Variants in ACTN1 observed in about 807,000 individuals in gnomAD.
The protein encoded by ACTN1 is alpha-actinin-1.
In ACTN1, 30 loss-of-function variants were observed where a neutral mutation model predicts 119.6. The ratio of observed to expected loss-of-function variants is 0.25; its 90% CI spans 0.19 to 0.34. ACTN1 has a LOEUF of 0.34. Ranked by LOEUF, ACTN1 falls within the 10% of genes least tolerant of loss-of-function variation. ACTN1 has a pLI of 1.00. For synonymous variants in ACTN1, 429 were observed against 472.6 expected (o/e 0.91, Z 1.20); for missense variants, 764 against 1,223.4 (o/e 0.62, Z 5.60).
intron 1 of ACTN1, chr14:68,977,897 G>A (rs964411646): frequency 2.2e-6 from 1 of 454,898 alleles, no homozygotes; most frequent in Non-Finnish European, 4.4e-6. Flanking sequence ...CCGGGAGGAG[G>A]GGGAGGGAAA....
Position 68,884,791 on chromosome 14 carries a change from C to G in ACTN1, c.1478G>C (p.Arg493Pro). The G allele has an allele frequency of 6.2e-7, 1 of 1,613,856 alleles. No homozygotes were observed. Among genetic ancestry groups the G allele is most frequent in the Non-Finnish European group, 8.5e-7 (1 of 1,179,714 alleles). ...WDNLGALTQK[R>P]REALERTEKL... ...ACCTCTCACCTCCAGAGCTTCCCTT[C>G]GCTTCTGAGTTAGGGCCCCCAGATT... The change falls in exon 13 of 22, where the codon CGA (arginine) becomes CCA (proline). Residue 493 changes from arginine (R) to proline (P), a missense_variant. By Grantham distance (103) the Arg-to-Pro change is moderately radical. Around this residue, in one of 4 missense-constraint regions of ACTN1, gnomAD observed 544 missense variants for 912.0 expected, o/e 0.60. Coordinates refer to ENST00000394419, the MANE Select transcript of ACTN1 (RefSeq NM_001130004.2).
chr14:68,876,349 GAACAGAA>G (rs961591815), intron 21 of ACTN1, among the ~76,000 whole-genome samples: 4 of 152,102 alleles, frequency 2.6e-5, no homozygotes, highest in African/African-American at 9.7e-5. Flanking sequence ...GACTTTTACT[GAACAGAA>G]CACAGACCCT....
chr14:68,900,681 G>A (rs2033251269), intron 8 of ACTN1, among the ~76,000 whole-genome samples: 1 of 152,082 alleles, frequency 6.6e-6, no homozygotes, highest in South Asian at 2.1e-4. Flanking sequence ...GTCATTCAGA[G>A]GCTGGGGTTC....
At chr14:68,954,343 C>G (rs568628940) in intron 1 of ACTN1, among the ~76,000 whole-genome samples, 20 of 149,798 alleles carry the variant, frequency 1.3e-4, no homozygotes, top group Middle Eastern at 3.4e-3. Context: ...TTTATTTATT[C>G]TGAAATGGAG....
intron 1 of ACTN1, among the ~76,000 whole-genome samples, chr14:68,929,778 G>A (rs1378735485): frequency 1.3e-5 from 2 of 152,124 alleles, no homozygotes; most frequent in African/African-American, 4.8e-5. Flanking sequence ...ACAGAGGGAG[G>A]GGCCGCAAAA....
intron 6 of ACTN1, 101 bp from the exon 7 acceptor site, chr14:68,904,837 T>C: frequency 1.1e-6 from 1 of 940,284 alleles, no homozygotes; most frequent in East Asian, 2.5e-5. Context: ...GCAGAGCGAC[T>C]TTCTCCCAGC....
chr14:68,887,772 A>G (rs555310941), intron 11 of ACTN1: 4 of 1,080,184 alleles, frequency 3.7e-6, no homozygotes, highest in African/African-American at 1.6e-5. Context: ...CTGATAAGAC[A>G]TGGTATATGG....
At chr14:68,905,457 C>A (rs1402979710) in intron 6 of ACTN1, among the ~76,000 whole-genome samples, 1 of 152,172 alleles carries the variant, frequency 6.6e-6, no homozygotes, top group Non-Finnish European at 1.5e-5. Flanking sequence ...GGGAGATACT[C>A]AAAAGAATTG....
chr14:68,876,787 T>A (rs2140038155), intron 21 of ACTN1, among the ~76,000 whole-genome samples: 1 of 152,246 alleles, frequency 6.6e-6, no homozygotes, highest in South Asian at 2.1e-4. Flanking sequence ...AAGAGTCCGA[T>A]CACACATCCA....
At chr14:68,927,308 G>T (rs1318593214) in intron 1 of ACTN1, among the ~76,000 whole-genome samples, 1 of 152,120 alleles carries the variant, frequency 6.6e-6, no homozygotes, top group Non-Finnish European at 1.5e-5. Context: ...ATAGCACCCT[G>T]CATTCACCCA....
intron 6 of ACTN1, among the ~76,000 whole-genome samples, chr14:68,908,083 C>T (rs2295430): frequency 0.13 from 19,976 of 149,770 alleles, 2,332 homozygotes; most frequent in East Asian, 0.63. Context: ...GGTTAGCTGG[C>T]GAAGGGCTGG....
At chr14:68,907,965 C>T (rs1379385055) in intron 6 of ACTN1, among the ~76,000 whole-genome samples, 2 of 151,884 alleles carry the variant, frequency 1.3e-5, no homozygotes, top group Non-Finnish European at 2.9e-5. Context: ...CCCTTGGCCA[C>T]GTTTGATTTG....
At chr14:68,908,561 C>T (rs2033808360) in intron 6 of ACTN1, among the ~76,000 whole-genome samples, 1 of 152,198 alleles carries the variant, frequency 6.6e-6, no homozygotes, top group Non-Finnish European at 1.5e-5. Context: ...AGGGTCTTTC[C>T]TTGGATGGCC....
intron 11 of ACTN1, among the ~76,000 whole-genome samples, chr14:68,889,186 T>G (rs1292174891): frequency 2.0e-5 from 3 of 152,170 alleles, no homozygotes; most frequent in Non-Finnish European, 4.4e-5. Flanking sequence ...ATCCTCTCTC[T>G]TCAGAGTTCA....
intron 11 of ACTN1, chr14:68,887,496 C>A (rs1381925524): frequency 8.5e-7 from 1 of 1,176,594 alleles, no homozygotes. Flanking sequence ...ACTAACCCCC[C>A]CATCTATGGA....
Position 68,885,653 on chromosome 14 carries a change from C to T in ACTN1, c.1235-78G>A. ...GTCCCAACCGCCCACCCCTCAGGGC[C>T]CCAGGAGCTCCACTTCTGGGGGTGC... On this transcript the variant is annotated intron_variant, in intron 11 of 21. Transcript: ENST00000394419. The surrounding 1 kb of genome is among the most constrained non-coding windows in gnomAD (Gnocchi z 5.6). 1 of 1,503,250 alleles carries T rather than the reference C, an allele frequency of 6.7e-7. No individual in the cohort carries two copies. The highest frequency in any genetic ancestry group is 2.3e-5 in the East Asian group (1 of 43,126). 93.1% of individuals were successfully genotyped at this position (1,503,250 alleles called of 1,614,324 possible).
chr14:68,938,786 C>T (rs2035648843), intron 1 of ACTN1, among the ~76,000 whole-genome samples: 1 of 152,226 alleles, frequency 6.6e-6, no homozygotes, highest in Admixed American at 6.5e-5. Flanking sequence ...GCTCTCACTT[C>T]CCATCCACTG....
At chr14:68,965,048 T>G (rs575509448) in intron 1 of ACTN1, among the ~76,000 whole-genome samples, 18 of 152,332 alleles carry the variant, frequency 1.2e-4, no homozygotes, top group African/African-American at 4.3e-4. Flanking sequence ...GCCCGCCCCA[T>G]GTGCATCTAT....
At chr14:68,922,465 G>A (rs1299710039) in intron 2 of ACTN1, among the ~76,000 whole-genome samples, 1 of 152,224 alleles carries the variant, frequency 6.6e-6, no homozygotes, top group Non-Finnish European at 1.5e-5. Flanking sequence ...CCTGTCCGGG[G>A]GGAGATGGCA....
Sources: gnomAD v4.1 joint callset for allele counts (sites outside exome capture counted in the v4.1 genomes callset) on GRCh38, gnomAD v4.1.1 for gene constraint, gnomAD v4.1.1 regional missense constraint, Gnocchi (gnomAD v3.1) non-coding constraint, MANE v1.5 for transcripts, NCBI Gene and HGNC (gene_info 2026-07-23, HGNC 2026-07-21) for gene names.